COBL: variants seen among roughly 807,000 people sequenced by gnomAD.
COBL encodes the protein protein cordon-bleu.
Under a neutral mutation model 98.8 loss-of-function variants are expected in COBL, and 51 were observed. The ratio of observed to expected loss-of-function variants is 0.52; its 90% confidence interval spans 0.41 to 0.65. The LOEUF is 0.65. COBL is among the 30% of genes least tolerant of loss of function. COBL has a pLI of 0.00. For missense variants in COBL, 1,617 were observed against 1,617.5 expected, an observed-to-expected ratio of 1.00 and a Z score of 0.01; for synonymous variants, 634 against 651.7, an observed-to-expected ratio of 0.97 and a Z score of 0.41.
intron 2 of COBL, among the ~76,000 whole-genome samples, chr7:51,203,278 C>A (rs1280795146): frequency 8.6e-6 from 1 of 116,110 alleles, no homozygotes; most frequent in African/African-American, 4.3e-5. Flanking sequence ...CTGGCTAACA[C>A]GGTGAAACCC....
intron 12 of COBL, among the ~76,000 whole-genome samples, chr7:51,021,658 T>A (rs1272536505): frequency 6.6e-6 from 1 of 152,062 alleles, no homozygotes; most frequent in African/African-American, 2.4e-5. Flanking sequence ...AAAGGTGAAA[T>A]AAAACTAAAT....
intron 5 of COBL, among the ~76,000 whole-genome samples, chr7:51,175,110 T>A (rs1029750993): frequency 1.3e-5 from 2 of 152,236 alleles, no homozygotes; most frequent in Non-Finnish European, 2.9e-5. Context: ...GAATGGAGGT[T>A]CTATCTTTGC....
chr7:51,134,700 G>A (rs531661844), intron 6 of COBL, among the ~76,000 whole-genome samples: 1 of 152,276 alleles, frequency 6.6e-6, no homozygotes, highest in Non-Finnish European at 1.5e-5. Flanking sequence ...GGGGCATGTA[G>A]CTGGGAAAGG....
At chr7:51,299,018 T>G (rs1801666973) in intron 1 of COBL, among the ~76,000 whole-genome samples, 1 of 152,216 alleles carries the variant, frequency 6.6e-6, no homozygotes, top group Non-Finnish European at 1.5e-5. Context: ...CTGAACAGCT[T>G]TCCTCACCCA....
At chr7:51,203,459 C>T (rs1227143064) in intron 2 of COBL, among the ~76,000 whole-genome samples, 2 of 64,298 alleles carry the variant, frequency 3.1e-5, no homozygotes, top group Non-Finnish European at 5.0e-5. Flanking sequence ...GAGACTCCGT[C>T]TCAAAAAAAA....
At chr7:51,212,048 G>A (rs893901480) in intron 2 of COBL, among the ~76,000 whole-genome samples, 8 of 152,090 alleles carry the variant, frequency 5.3e-5, no homozygotes, top group South Asian at 2.1e-4. Context: ...CCCTTCCTCC[G>A]CGACATCATT....
At chr7:51,214,989 G>T (rs899124736) in intron 2 of COBL, among the ~76,000 whole-genome samples, 1 of 152,054 alleles carries the variant, frequency 6.6e-6, no homozygotes, top group African/African-American at 2.4e-5. Context: ...ACATAAACCG[G>T]CATTTTGCAA....
chr7:51,133,253 G>C (rs1798920880), intron 6 of COBL, among the ~76,000 whole-genome samples: 1 of 152,214 alleles, frequency 6.6e-6, no homozygotes, highest in Non-Finnish European at 1.5e-5. Flanking sequence ...GTGAGAAGGA[G>C]TGGACGCTAC....
intron 5 of COBL, among the ~76,000 whole-genome samples, chr7:51,152,897 C>T (rs1321889016): frequency 6.6e-6 from 1 of 152,212 alleles, no homozygotes; most frequent in Non-Finnish European, 1.5e-5. Flanking sequence ...CATTCTCTAA[C>T]TTAGATCTGC....
At chr7:51,065,659 A>C (rs1051636882) in intron 7 of COBL, among the ~76,000 whole-genome samples, 1 of 152,326 alleles carries the variant, frequency 6.6e-6, no homozygotes, top group African/African-American at 2.4e-5. Flanking sequence ...CCACCTGGGT[A>C]CAACAGAAGC....
At chr7:51,250,251 G>C (rs1796617843) in intron 1 of COBL, among the ~76,000 whole-genome samples, 1 of 152,122 alleles carries the variant, frequency 6.6e-6, no homozygotes, top group Admixed American at 6.6e-5. Context: ...AAAGTGACTG[G>C]TACACACTCA....
intron 5 of COBL, among the ~76,000 whole-genome samples, chr7:51,158,677 T>A (rs989317247): frequency 1.3e-5 from 2 of 151,962 alleles, no homozygotes; most frequent in African/African-American, 4.8e-5. Flanking sequence ...TGTCCGCCCC[T>A]GCCCTTTTCC....
At chr7:51,267,076 C>T (rs1798285258) in intron 1 of COBL, among the ~76,000 whole-genome samples, 1 of 152,156 alleles carries the variant, frequency 6.6e-6, no homozygotes, top group Non-Finnish European at 1.5e-5. Flanking sequence ...CCGCTCACCA[C>T]CACTCTCCCA....
At chr7:51,066,851 G>C (rs947715012) in intron 7 of COBL, among the ~76,000 whole-genome samples, 2 of 152,244 alleles carry the variant, frequency 1.3e-5, no homozygotes, top group Non-Finnish European at 2.9e-5. Flanking sequence ...GCAGACATAA[G>C]TGCAAGGGCA....
At chr7:51,062,151 T>C (rs1218309025) in intron 7 of COBL, among the ~76,000 whole-genome samples, 2 of 152,312 alleles carry the variant, frequency 1.3e-5, no homozygotes, top group African/African-American at 4.8e-5. Flanking sequence ...AAATAAAACA[T>C]ACATTTAGCA....
chr7:51,018,891 CAAAAAAA>C (rs11433270), intron 12 of COBL, among the ~76,000 whole-genome samples: 3 of 6,832 alleles, frequency 4.4e-4, no homozygotes, highest in African/African-American at 1.7e-3. Context: ...AACTCCATCT[CAAAAAAA>C]AAAAAAAATA....
chr7:51,179,219 T>C (rs1788699756), intron 5 of COBL, among the ~76,000 whole-genome samples: 1 of 152,272 alleles, frequency 6.6e-6, no homozygotes, highest in South Asian at 2.1e-4. Context: ...AGTGTTTAAC[T>C]TTCTTTTTTG....
chr7:51,098,356 G>T (rs954089029), intron 6 of COBL, among the ~76,000 whole-genome samples: 1 of 151,230 alleles, frequency 6.6e-6, no homozygotes, highest in African/African-American at 2.4e-5. Context: ...CACACTTTCT[G>T]GTTTCAAAAC....
At chr7:51,259,781 ATT>A in intron 1 of COBL, 1 of 750,688 alleles carries the variant, frequency 1.3e-6, no homozygotes, top group Admixed American at 1.7e-5. Flanking sequence ...TATGGGCAGC[ATT>A]TTTAGGTTCT....
Sources: allele counts gnomAD v4.1 joint callset (sites outside exome capture counted in the v4.1 genomes callset), GRCh38; gene constraint gnomAD v4.1.1; transcripts MANE v1.5; gene names NCBI Gene and HGNC (gene_info 2026-07-23, HGNC 2026-07-21).